FNDC3B: variants seen among roughly 807,000 people sequenced by gnomAD.
FNDC3B encodes fibronectin type III domain containing 3B.
Under a neutral mutation model 151.5 loss-of-function variants are expected in FNDC3B, and 12 were observed. The observed-to-expected ratio is 0.08, with a 90% CI of 0.05 to 0.13. The LOEUF (loss-of-function observed/expected upper bound fraction) is 0.13, where lower values mean the gene tolerates loss of function less well. FNDC3B is among the 10% of genes least tolerant of loss of function. The probability of loss-of-function intolerance (pLI) is 1.00; values close to 1 mark genes in which losing one functional copy is unlikely to be tolerated. For missense variants in FNDC3B, 1,214 were observed against 1,505.3 expected, an observed-to-expected ratio of 0.81 and a Z score of 3.20; for synonymous variants, 528 against 549.0, an observed-to-expected ratio of 0.96 and a Z score of 0.54.
At position 172,285,973 on chromosome 3, in the gene FNDC3B, G is replaced by A; in HGVS notation, c.838G>A (p.Glu280Lys). ...GGTGCAAGACATTCTTTCGGGAATA[G>A]AGAAACCACAGGTATGTCTTCTGGA... Reference protein sequence around the residue: ...KRVQDILSGIEKPQVSNIQAR... With the variant: ...KRVQDILSGIKKPQVSNIQAR... The change falls in exon 7 of 26, where the codon GAG becomes AAG. Residue 280 changes from glutamate (E) to lysine (K), a missense_variant. By Grantham distance (56) the Glu-to-Lys change is moderately conservative. This residue lies in a region of FNDC3B where 156 missense variants were observed against 225.3 expected (regional missense o/e 0.69). Coordinates refer to ENST00000415807, the MANE Select transcript of FNDC3B (RefSeq NM_022763.4). The A allele has an allele frequency of 8.1e-6, 13 of 1,610,998 alleles. No individual in the cohort carries two copies. Among genetic ancestry groups the A allele is most frequent in the South Asian group, 6.6e-5 (6 of 90,854 alleles).
At chr3:172,066,721 T>C (rs985539239) in intron 1 of FNDC3B, among the ~76,000 whole-genome samples, 1 of 152,240 alleles carries the variant, frequency 6.6e-6, no homozygotes, top group Non-Finnish European at 1.5e-5. Context: ...TTTTGTGTTT[T>C]CGAAGAAAAT....
At position 172,040,106 on chromosome 3, in the gene FNDC3B, C is replaced by A. The variant is rs1450231321; in HGVS notation, c.-29+335C>A. Among the ~76,000 whole-genome samples the A allele has an allele frequency of 6.6e-6, 1 of 152,100 alleles. No individual in the cohort carries two copies. The highest frequency in any genetic ancestry group is 1.5e-5 in the Non-Finnish European group (1 of 68,002). On this transcript the variant is annotated intron_variant, in intron 1 of 25. Coordinates refer to ENST00000415807, the MANE Select transcript of FNDC3B (RefSeq NM_022763.4). This position sits in a 1 kb window ranked among gnomAD's most constrained non-coding sequence, Gnocchi z 6.6. ...AAAATTGGGCAGTGGCTCGCGGCCT[C>A]CCCCCACCCCCAGCCTTCCCAGCAG...
chr3:172,245,948 T>G (rs4572798), intron 4 of FNDC3B, among the ~76,000 whole-genome samples: 16,613 of 152,236 alleles, frequency 0.11, 1,693 homozygotes, highest in African/African-American at 0.27. Flanking sequence ...ACATAAGGAT[T>G]AATGGCCGTT....
chr3:172,305,063 T>C (rs924487214), intron 9 of FNDC3B, among the ~76,000 whole-genome samples: 3 of 152,190 alleles, frequency 2.0e-5, no homozygotes, highest in African/African-American at 7.2e-5. Context: ...GATAGTAGTT[T>C]AGATAGTAGT....
At chr3:172,318,855 T>TA (rs754301664) in intron 11 of FNDC3B, among the ~76,000 whole-genome samples, 12 of 152,208 alleles carry the variant, frequency 7.9e-5, no homozygotes, top group Non-Finnish European at 1.6e-4. Flanking sequence ...TGCCATGTCT[T>TA]ACGGTTGTTT....
intron 3 of FNDC3B, among the ~76,000 whole-genome samples, chr3:172,199,148 C>A (rs1724996977): frequency 6.7e-6 from 1 of 149,340 alleles, no homozygotes; most frequent in African/African-American, 2.5e-5. Context: ...TTTTAATATT[C>A]CAAGGGAAGC....
chr3:172,378,463 C>A, intron 24 of FNDC3B, 27 bp downstream of exon 24: 1 of 1,562,142 alleles, frequency 6.4e-7, no homozygotes, highest in Non-Finnish European at 8.6e-7. Context: ...TTCTTTCTCG[C>A]TCTCTTGTGA....
At chr3:172,126,699 A>G (rs1325246073) in intron 2 of FNDC3B, among the ~76,000 whole-genome samples, 1 of 152,200 alleles carries the variant, frequency 6.6e-6, no homozygotes, top group Non-Finnish European at 1.5e-5. Context: ...GCCGAATTTA[A>G]TTCTTCCTGT....
intron 3 of FNDC3B, among the ~76,000 whole-genome samples, chr3:172,176,659 G>GCTGTAGGAACC (rs1723611178): frequency 6.6e-6 from 1 of 152,284 alleles, no homozygotes; most frequent in East Asian, 1.9e-4. Flanking sequence ...GTTGGAAAGT[G>GCTGTAGGAACC]CTGTAGGAAC....
chr3:172,307,441 G>A lies in FNDC3B; in HGVS notation c.1140G>A (p.Glu380=), dbSNP rs1439952308. 1.2e-6 allele frequency: 2 copies of A among 1,614,130 alleles called. No individual in the cohort carries two copies. Among genetic ancestry groups the A allele is most frequent in the East Asian group, 2.2e-5 (1 of 44,882 alleles). Residue 380 remains glutamate (E), a synonymous_variant, in exon 10 of 26, where the codon GAG becomes GAA. Coordinates refer to ENST00000415807, the MANE Select transcript of FNDC3B (RefSeq NM_022763.4). ...TCACCACCCACAGCTGTGCACCCGA[G>A]TGTCCTTTCCCCCCTAAGCTGGCAC... ...VSFTTHSCAP[E]CPFPPKLAHR...
At chr3:172,149,858 A>G (rs147565120) in intron 3 of FNDC3B, among the ~76,000 whole-genome samples, 5,067 of 112,140 alleles carry the variant, frequency 0.045, 345 homozygotes, top group African/African-American at 0.17. Context: ...TTGCTCTGTC[A>G]CCCAGGCTGG....
At chr3:172,205,519 C>T (rs958267710) in intron 3 of FNDC3B, among the ~76,000 whole-genome samples, 2 of 152,170 alleles carry the variant, frequency 1.3e-5, no homozygotes, top group Non-Finnish European at 1.5e-5. Context: ...ACTAACATGC[C>T]TAGGATCTCA....
At chr3:172,184,948 GA>G (rs1450531764) in intron 3 of FNDC3B, among the ~76,000 whole-genome samples, 1 of 151,812 alleles carries the variant, frequency 6.6e-6, no homozygotes, top group Admixed American at 6.6e-5. Flanking sequence ...CAAAGGAAAA[GA>G]AAAAAAGACT....
At chr3:172,304,427 G>T (rs947242827) in intron 9 of FNDC3B, among the ~76,000 whole-genome samples, 8 of 152,228 alleles carry the variant, frequency 5.3e-5, no homozygotes, top group East Asian at 3.8e-4. Context: ...TACTTACTGG[G>T]TGGAGGCAGA....
At chr3:172,326,071 C>A (rs574764669) in intron 11 of FNDC3B, among the ~76,000 whole-genome samples, 1 of 152,312 alleles carries the variant, frequency 6.6e-6, no homozygotes, top group South Asian at 2.1e-4. Flanking sequence ...AGTGATCCAC[C>A]TCCCTCAGCC....
intron 1 of FNDC3B, among the ~76,000 whole-genome samples, chr3:172,085,971 C>G (rs1457043658): frequency 6.6e-6 from 1 of 152,008 alleles, no homozygotes; most frequent in East Asian, 1.9e-4. Flanking sequence ...GTAAAGGTGG[C>G]AAAAATTGCA....
Position 172,157,977 on chromosome 3 carries a change from C to T in FNDC3B, c.187+24431C>T, listed in dbSNP as rs572573817. Reference sequence around the variant, plus strand: ...TCAGCCCTTATTAATGGGATTAGTGCCATGATTAAAGAGACCAGAGGGACC... The same window carrying T: ...TCAGCCCTTATTAATGGGATTAGTGTCATGATTAAAGAGACCAGAGGGACC... On this transcript the variant is annotated intron_variant, in intron 3 of 25. Coordinates refer to ENST00000415807, the MANE Select transcript of FNDC3B (RefSeq NM_022763.4). 5.3e-5 allele frequency among the ~76,000 whole-genome samples: 8 copies of T among 152,214 alleles called. No homozygotes were observed. In the East Asian group the frequency reaches 1.5e-3, roughly 29 times the overall value.
At chr3:172,329,235 T>G (rs1005263105) in intron 12 of FNDC3B, 159 bp downstream of exon 12, 73 of 809,504 alleles carry the variant, frequency 9.0e-5, no homozygotes, top group Non-Finnish European at 1.3e-4. Flanking sequence ...GAAGGCCTCC[T>G]TTAAGCTGGT....
chr3:172,227,282 A>G (rs1726641006), intron 4 of FNDC3B: 1 of 197,818 alleles, frequency 5.1e-6, no homozygotes, highest in South Asian at 1.2e-4. Context: ...AAATTCATAG[A>G]TGTAGTTAGT....
Sources: allele counts gnomAD v4.1 joint callset (sites outside exome capture counted in the v4.1 genomes callset), GRCh38; gene constraint gnomAD v4.1.1; regional missense constraint gnomAD v4.1.1; non-coding constraint Gnocchi (gnomAD v3.1); transcripts MANE v1.5; gene names NCBI Gene and HGNC (gene_info 2026-07-23, HGNC 2026-07-21).